ZNF696: variants seen among roughly 807,000 people sequenced by gnomAD.
ZNF696 encodes the protein zinc finger protein 696.
In ZNF696, 10 loss-of-function variants were observed where a neutral mutation model predicts 12.3. The ratio of observed to expected loss-of-function variants is 0.81; its 90% CI spans 0.50 to 1.38. The LOEUF (loss-of-function observed/expected upper bound fraction) is 1.38. ZNF696 is among the 40% of genes most tolerant of loss of function. The pLI is 0.00. For missense variants in ZNF696, 675 were observed against 554.7 expected, an observed-to-expected ratio of 1.22 and a Z score of -2.18; for synonymous variants, 304 against 243.9, an observed-to-expected ratio of 1.25 and a Z score of -2.29.
chr8:143,296,191 G>C lies in ZNF696; in HGVS notation c.516G>C (p.Gln172His), dbSNP rs758940971. ...ACAGCTCGCACGTGGTCCGGCACCA[G>C]CGGGCGCACAGCGGGGAGAGGCCCT... ...FIHSSHVVRHQRAHSGERPYA... is the reference protein window; with the variant it reads ...FIHSSHVVRHHRAHSGERPYA... Residue 172 changes from glutamine to histidine, a missense_variant, in exon 3 of 3, where the codon CAG becomes CAC. Coordinates refer to ENST00000330143, the MANE Select transcript of ZNF696 (RefSeq NM_030895.3). 3 of 1,600,304 alleles carry C rather than the reference G, an allele frequency of 1.9e-6. No homozygotes were observed. The South Asian group carries it at 3.3e-5, about 18-fold the overall frequency.
chr8:143,292,951 C>T lies in ZNF696; in HGVS notation c.-30-21C>T, dbSNP rs545836229. 18 of 1,602,488 alleles carry T rather than the reference C, an allele frequency of 1.1e-5. 1 individual carries two copies. The South Asian group carries it at 2.0e-4, about 18-fold the overall frequency. Reference sequence around the variant, plus strand: ...CCTAGCCCTGGCTGTGATTTATTTTCCTTTTCTTTTACCTAAGCAGAAATT... The same window carrying T: ...CCTAGCCCTGGCTGTGATTTATTTTTCTTTTCTTTTACCTAAGCAGAAATT... On this transcript the variant is annotated intron_variant, in intron 1 of 2. Coordinates refer to ENST00000330143, the MANE Select transcript of ZNF696 (RefSeq NM_030895.3).
intron 2 of ZNF696, among the ~76,000 whole-genome samples, chr8:143,294,787 A>G (rs1450513421): frequency 6.6e-6 from 1 of 152,016 alleles, no homozygotes; most frequent in South Asian, 2.1e-4. Flanking sequence ...GTCCAAGGTA[A>G]AAGGAATGAG....
In ZNF696 at chr8:143,299,841, C is replaced by A. The variant is rs2129750364; in HGVS notation, c.*3041C>A. On this transcript the variant is annotated 3_prime_UTR_variant, in exon 3 of 3. Coordinates refer to ENST00000330143, the MANE Select transcript of ZNF696 (RefSeq NM_030895.3). ...AAGTAAGCCTATAGTTCCAGCCACCCAGGAGGCTGAGGTGGGAGGATCACC... is the reference window on the plus strand; with the variant it reads ...AAGTAAGCCTATAGTTCCAGCCACCAAGGAGGCTGAGGTGGGAGGATCACC... 6.6e-6 allele frequency among the ~76,000 whole-genome samples: 1 copy of A among 152,060 alleles called. No individual in the cohort carries two copies. The highest frequency in any genetic ancestry group is 1.9e-4 in the East Asian group (1 of 5,170).
rs1230567704 is a variant in ZNF696, at chr8:143,295,850, G to T, written c.175G>T (p.Gly59Cys). ...AGAGGCAGGCGCTCCCGAGGGAGAG[G>T]GCCACAGAGGGGGGCCTCCCCGGGC... ...AAEAGAPEGE[G>C]HRGGPPRALG... Residue 59 changes from glycine to cysteine, a missense_variant, in exon 3 of 3, where the codon GGC becomes TGC. Transcript: ENST00000330143. 6.3e-7 allele frequency: 1 copy of T among 1,580,824 alleles called. No individual in the cohort carries two copies. Among genetic ancestry groups the T allele is most frequent in the Non-Finnish European group, 8.6e-7 (1 of 1,163,022 alleles).
rs7386378 is a variant in ZNF696, at chr8:143,297,764, C to T, written c.*964C>T. ...CTGACCCCTTACCCTGTGGGTTCTG[C>T]ACTAGCTCCGGGCAATTGGTGACAG... On this transcript the variant is annotated 3_prime_UTR_variant, in exon 3 of 3. Coordinates refer to ENST00000330143, the MANE Select transcript of ZNF696 (RefSeq NM_030895.3). 60,141 of 152,008 alleles carry T rather than the reference C, an allele frequency of 0.4. 14,682 individuals are homozygous for T. Among genetic ancestry groups the T allele is most frequent in the East Asian group, 0.69 (3,520 of 5,134 alleles). The allele number at this position is 152,008 out of a possible 1,614,324, so 9.4% of individuals were successfully genotyped here.
rs959268776 is a variant in ZNF696 at position 143,297,679 on chromosome 8, T to G, written c.*879T>G. ...AAATTGGAACCTGAGAAGGGGGTCG[T>G]GGGGTCCCCGGGGCCCACCGTCTGC... On this transcript the variant is annotated 3_prime_UTR_variant, in exon 3 of 3. Coordinates refer to ENST00000330143, the MANE Select transcript of ZNF696 (RefSeq NM_030895.3). The G allele has an allele frequency of 3.3e-5, 5 of 152,148 alleles. No homozygotes were observed. The highest frequency in any genetic ancestry group is 7.2e-5 in the African/African-American group (3 of 41,410). The allele number at this position is 152,148 out of a possible 1,614,324, so 9.4% of individuals were successfully genotyped here.
In ZNF696 at chr8:143,297,848, TGGTGTGGA is replaced by T. The variant is rs1314853644; in HGVS notation, c.*1051_*1058del. The T allele has an allele frequency of 6.6e-6, 1 of 152,256 alleles. No homozygotes were observed. Among genetic ancestry groups the T allele is most frequent in the Non-Finnish European group, 1.5e-5 (1 of 68,062 alleles). The allele number at this position is 152,256 out of a possible 1,614,324, so 9.4% of individuals were successfully genotyped here. ...TCTGAGAGGGAGTTGGAGAGCTGGT[TGGTGTGGA>T]GGGAAAGGCTTACACACATGTGATT... On this transcript the variant is annotated 3_prime_UTR_variant, in exon 3 of 3. Coordinates refer to ENST00000330143, the MANE Select transcript of ZNF696 (RefSeq NM_030895.3).
chr8:143,291,931 CTTAAA>C (rs1563743086), intron 1 of ZNF696, among the ~76,000 whole-genome samples, 164 bp downstream of exon 1: 2 of 151,960 alleles, frequency 1.3e-5, no homozygotes, highest in African/African-American at 4.8e-5. Context: ...TTACAGGCGG[CTTAAA>C]TTAAATTTAC....
chr8:143,295,618 AGGTGT>A, intron 2 of ZNF696, 117 bp from the exon 3 acceptor site: 1 of 1,125,068 alleles, frequency 8.9e-7, no homozygotes, highest in Non-Finnish European at 1.2e-6. Flanking sequence ...GCAAAATCAA[AGGTGT>A]CTGTGGCACA....
chr8:143,294,446 C>T (rs1024647513), intron 2 of ZNF696, among the ~76,000 whole-genome samples: 6 of 151,102 alleles, frequency 4.0e-5, no homozygotes, highest in African/African-American at 9.7e-5. Flanking sequence ...AGTGCAGTGG[C>T]GCCAGCTCAC....
intron 2 of ZNF696, chr8:143,295,531 G>A (rs980195969): frequency 7.1e-5 from 50 of 702,494 alleles, no homozygotes; most frequent in South Asian, 7.1e-4. Flanking sequence ...CAGGATTCTC[G>A]TCTACCTCAT....
Position 143,296,254 on chromosome 8 carries a change from C to A in ZNF696, c.579C>A (p.Ser193Arg), listed in dbSNP as rs61729428. The A allele has an allele frequency of 2.5e-6, 4 of 1,596,534 alleles. No individual in the cohort carries two copies. The highest frequency in any genetic ancestry group is 3.4e-6 in the Non-Finnish European group (4 of 1,175,288). ...CAECGKAFGQ[S>R]FNLLRHQRVH... ...AGTGCGGCAAGGCCTTCGGCCAGAG[C>A]TTCAACCTCCTCCGGCACCAGCGCG... Residue 193 changes from serine to arginine, a missense_variant, in exon 3 of 3, where the codon AGC becomes AGA. Transcript: ENST00000330143.
At chr8:143,295,571 G>GA (rs539855155) in intron 2 of ZNF696, 169 bp from the exon 3 acceptor site, 25 of 764,858 alleles carry the variant, frequency 3.3e-5, no homozygotes, top group Admixed American at 1.6e-4. Context: ...GTGGGGAGGA[G>GA]AAAAAAACTA....
At position 143,299,340 on chromosome 8, in the gene ZNF696, C is replaced by T. The variant is rs961790289; in HGVS notation, c.*2540C>T. On this transcript the variant is annotated 3_prime_UTR_variant, in exon 3 of 3. Coordinates refer to ENST00000330143, the MANE Select transcript of ZNF696 (RefSeq NM_030895.3). ...GGGACAGAAATGTTCTAAGACCCTCCGGTTGTTGGGAAGAGGGTGTAAGAT... is the reference window on the plus strand; with the variant it reads ...GGGACAGAAATGTTCTAAGACCCTCTGGTTGTTGGGAAGAGGGTGTAAGAT... Among the ~76,000 whole-genome samples, 6 of 152,062 alleles carry T rather than the reference C, an allele frequency of 3.9e-5. No individual in the cohort carries two copies. The highest frequency in any genetic ancestry group is 7.4e-5 in the Non-Finnish European group (5 of 68,026).
In ZNF696 at chr8:143,296,095, G is replaced by A. The variant is rs1415152776; in HGVS notation, c.420G>A (p.Ala140=). 1.2e-5 allele frequency: 19 copies of A among 1,604,838 alleles called. No individual in the cohort carries two copies. In the African/African-American group the frequency reaches 1.9e-4, roughly 16 times the overall value. ...GCAGCTTCAAGTGCTCCTCGGACGCGGCAAAGCACCGGAGCATCCACTCGG... is the reference window on the plus strand; with the variant it reads ...GCAGCTTCAAGTGCTCCTCGGACGCAGCAAAGCACCGGAGCATCCACTCGG... The part of the protein sequence containing the change: ...CGRSFKCSSD[A]AKHRSIHSGE... The change falls in exon 3 of 3, where the codon GCG becomes GCA. Residue 140 remains alanine, a synonymous_variant. Transcript: ENST00000330143.
Position 143,297,037 on chromosome 8 carries a change from T to A in ZNF696, c.*237T>A. On this transcript the variant is annotated 3_prime_UTR_variant, in exon 3 of 3. Coordinates refer to ENST00000330143, the MANE Select transcript of ZNF696 (RefSeq NM_030895.3). ...GAGGCGATTCCCAGAGGCGGGGAGGTCTCAGGGGTCTGTCCCGGGCCGGCC... is the reference window on the plus strand; with the variant it reads ...GAGGCGATTCCCAGAGGCGGGGAGGACTCAGGGGTCTGTCCCGGGCCGGCC... 1 of 438,826 alleles carries A rather than the reference T, an allele frequency of 2.3e-6. No homozygotes were observed. The highest frequency in any genetic ancestry group is 3.9e-6 in the Non-Finnish European group (1 of 256,414). The allele number at this position is 438,826 out of a possible 1,614,324, so 27.2% of individuals were successfully genotyped here.
rs757086398 is a variant in ZNF696 at position 143,296,434 on chromosome 8, C to T, written c.759C>T (p.Val253=). The T allele has an allele frequency of 1.2e-6, 2 of 1,605,742 alleles. No homozygotes were observed. The highest frequency in any genetic ancestry group is 8.5e-7 in the Non-Finnish European group (1 of 1,178,046). ...GCTTCCTGCACAGCTCGAACGTGGTCCGGCACCGGCGGACCCACCACGGGG... is the reference window on the plus strand; with the variant it reads ...GCTTCCTGCACAGCTCGAACGTGGTTCGGCACCGGCGGACCCACCACGGGG... ...GKRFLHSSNV[V]RHRRTHHGEN... The change falls in exon 3 of 3, where the codon GTC becomes GTT. Residue 253 remains valine (V), a synonymous_variant. Transcript: ENST00000330143.
In ZNF696 at chr8:143,296,435, CG is replaced by C; in HGVS notation, c.762del (p.His255ThrfsTer106). ...CTTCCTGCACAGCTCGAACGTGGTC[CG>C]GCACCGGCGGACCCACCACGGGGAG... ...KRFLHSSNVV[R>X]HRRTHHGENP... is the part of the protein sequence containing the mutation. On this transcript the variant is annotated frameshift_variant, in exon 3 of 3. Coordinates refer to ENST00000330143, the MANE Select transcript of ZNF696 (RefSeq NM_030895.3). LOFTEE classifies it high-confidence loss of function. 1 of 1,605,362 alleles carries C rather than the reference CG, an allele frequency of 6.2e-7. No homozygotes were observed. The highest frequency in any genetic ancestry group is 8.5e-7 in the Non-Finnish European group (1 of 1,177,904).
intron 2 of ZNF696, chr8:143,293,298 C>G (rs754717232): frequency 2.4e-5 from 14 of 581,186 alleles, no homozygotes; most frequent in Non-Finnish European, 4.0e-5. Context: ...GCCCCAGGCT[C>G]TGCCTCTGGG....
Sources: allele counts gnomAD v4.1 joint callset (sites outside exome capture counted in the v4.1 genomes callset), GRCh38; gene constraint gnomAD v4.1.1; transcripts MANE v1.5; gene names NCBI Gene and HGNC (gene_info 2026-07-23, HGNC 2026-07-21).